SAMD4A: variants seen among roughly 807,000 people sequenced by gnomAD.
SAMD4A encodes the protein protein Smaug homolog 1.
Under a neutral mutation model 81.3 loss-of-function variants are expected in SAMD4A, and 33 were observed. That is an observed-to-expected ratio of 0.41 (90% CI 0.31 to 0.54). The LOEUF is 0.54. Among genes scored for constraint, SAMD4A ranks in the 20% least tolerant of loss-of-function variants. The probability of loss-of-function intolerance (pLI) is 0.37; values close to 1 mark genes in which losing one functional copy is unlikely to be tolerated. For missense variants in SAMD4A, 854 were observed against 951.1 expected, an observed-to-expected ratio of 0.90 and a Z score of 1.34; for synonymous variants, 389 against 382.1, an observed-to-expected ratio of 1.02 and a Z score of -0.21.
At chr14:54,776,364 C>T (rs1456601773) in intron 10 of SAMD4A, 50 bp from the exon 11 acceptor site, 4 of 1,547,494 alleles carry the variant, frequency 2.6e-6, no homozygotes, top group Non-Finnish European at 3.5e-6. Context: ...CTCTGCTCTC[C>T]ACCCCAGTGG....
At chr14:54,566,187 G>T (rs1894563580), upstream of SAMD4A, among the ~76,000 whole-genome samples, 1 of 151,422 alleles carries the variant, frequency 6.6e-6, no homozygotes, top group Non-Finnish European at 1.5e-5. Context: ...CACTCTCCCC[G>T]CGCCGCCCGC....
chr14:54,731,421 T>A (rs2140906281), intron 3 of SAMD4A, among the ~76,000 whole-genome samples: 1 of 152,334 alleles, frequency 6.6e-6, no homozygotes, highest in South Asian at 2.1e-4. Flanking sequence ...TTGTCCTAAG[T>A]ATGTGGACAC....
intron 2 of SAMD4A, among the ~76,000 whole-genome samples, chr14:54,600,933 A>G (rs1031996635): frequency 2.0e-5 from 3 of 152,212 alleles, no homozygotes; most frequent in Admixed American, 2.0e-4. Context: ...AGCTATGCAT[A>G]GCTATGCCTT....
chr14:54,704,732 G>C (rs1471336657), intron 3 of SAMD4A, among the ~76,000 whole-genome samples: 1 of 152,184 alleles, frequency 6.6e-6, no homozygotes, highest in Admixed American at 6.5e-5. Flanking sequence ...AGATCAAAGA[G>C]CTCAGATCTC....
intron 2 of SAMD4A, among the ~76,000 whole-genome samples, chr14:54,604,886 G>A (rs1373434392): frequency 6.6e-6 from 1 of 152,192 alleles, no homozygotes; most frequent in Non-Finnish European, 1.5e-5. Flanking sequence ...AGCTGTCTCT[G>A]TTAATGTGCA....
At chr14:54,575,032 T>C (rs1034275082) in intron 2 of SAMD4A, among the ~76,000 whole-genome samples, 2 of 152,212 alleles carry the variant, frequency 1.3e-5, no homozygotes, top group Non-Finnish European at 2.9e-5. Flanking sequence ...GGCAATTTGG[T>C]GCAGTAGCTT....
intron 2 of SAMD4A, among the ~76,000 whole-genome samples, chr14:54,625,771 C>G (rs781686622): frequency 2.0e-5 from 3 of 152,160 alleles, no homozygotes; most frequent in Non-Finnish European, 2.9e-5. Flanking sequence ...CAGCTTTGCT[C>G]ACGGGGCATG....
intron 8 of SAMD4A, among the ~76,000 whole-genome samples, chr14:54,768,993 G>A (rs2038631956): frequency 1.3e-5 from 2 of 152,146 alleles, no homozygotes; most frequent in African/African-American, 4.8e-5. Flanking sequence ...AATATTTTAT[G>A]ACTACTTAAA....
chr14:54,627,264 A>G (rs995101441), intron 2 of SAMD4A, among the ~76,000 whole-genome samples: 5 of 151,974 alleles, frequency 3.3e-5, no homozygotes, highest in Admixed American at 3.3e-4. Flanking sequence ...GGTGCTTCTG[A>G]CTTTTTTTTT....
At chr14:54,783,585 T>G (rs1006959237) in intron 11 of SAMD4A, among the ~76,000 whole-genome samples, 1 of 152,212 alleles carries the variant, frequency 6.6e-6, no homozygotes, top group African/African-American at 2.4e-5. Context: ...TCTCAGCCCT[T>G]GATTCTAGAG....
chr14:54,694,864 G>A (rs2140689983), intron 2 of SAMD4A: 4 of 985,556 alleles, frequency 4.1e-6, no homozygotes, highest in Non-Finnish European at 4.8e-6. Context: ...GGTACCTGGG[G>A]AAAAAGTAAC....
intron 2 of SAMD4A, among the ~76,000 whole-genome samples, chr14:54,611,486 C>T (rs1160516961): frequency 6.6e-6 from 1 of 152,166 alleles, no homozygotes; most frequent in Admixed American, 6.5e-5. Context: ...CTTATGCTAG[C>T]CTTTTCCCCT....
upstream of SAMD4A, among the ~76,000 whole-genome samples, chr14:54,566,621 G>T (rs546135337): frequency 4.0e-5 from 6 of 151,824 alleles, no homozygotes; most frequent in African/African-American, 1.2e-4. Flanking sequence ...CAGCGCTGCG[G>T]ACCCCGGCCG....
intron 11 of SAMD4A, among the ~76,000 whole-genome samples, chr14:54,780,213 A>G (rs1002691292): frequency 6.6e-6 from 1 of 152,178 alleles, no homozygotes; most frequent in Non-Finnish European, 1.5e-5. Flanking sequence ...GCCCAAAGCC[A>G]CATGCAAACT....
chr14:54,660,858 C>T (rs899478041), intron 2 of SAMD4A, among the ~76,000 whole-genome samples: 1 of 152,206 alleles, frequency 6.6e-6, no homozygotes, highest in Non-Finnish European at 1.5e-5. Flanking sequence ...GTCCTGTCAG[C>T]CACAGAATTG....
intron 2 of SAMD4A, among the ~76,000 whole-genome samples, chr14:54,611,538 T>C (rs2034355380): frequency 6.6e-6 from 1 of 152,194 alleles, no homozygotes; most frequent in Non-Finnish European, 1.5e-5. Flanking sequence ...AAAGAGAACC[T>C]GACATACTAG....
intron 2 of SAMD4A, among the ~76,000 whole-genome samples, chr14:54,651,114 C>T (rs1409573771): frequency 6.6e-6 from 1 of 152,110 alleles, no homozygotes; most frequent in Non-Finnish European, 1.5e-5. Context: ...TAAATAAGCA[C>T]GGTCTGAAAG....
At chr14:54,651,788 T>G (rs529671810) in intron 2 of SAMD4A, among the ~76,000 whole-genome samples, 16 of 152,372 alleles carry the variant, frequency 1.1e-4, no homozygotes, top group Non-Finnish European at 2.2e-4. Flanking sequence ...GATTTCCATT[T>G]GCCCCCGAAG....
chr14:54,713,696 G>A (rs2037048844), intron 3 of SAMD4A, among the ~76,000 whole-genome samples: 1 of 152,156 alleles, frequency 6.6e-6, no homozygotes, highest in Admixed American at 6.5e-5. Flanking sequence ...GGAGCTAAAA[G>A]ATTTATAATG....
Sources: gnomAD v4.1 joint callset for allele counts (sites outside exome capture counted in the v4.1 genomes callset) on GRCh38, gnomAD v4.1.1 for gene constraint, MANE v1.5 for transcripts, NCBI Gene and HGNC (gene_info 2026-07-23, HGNC 2026-07-21) for gene names.